The following UTRN variants were observed in gnomAD, a reference collection of about 807,000 sequenced individuals.
The protein encoded by UTRN is utrophin.
UTRN carries 283 observed loss-of-function variants against 463.9 expected under a neutral mutation model. That is an observed-to-expected ratio of 0.61 (90% CI 0.55 to 0.67). The LOEUF is 0.67. Ranked by LOEUF, UTRN falls within the 30% of genes least tolerant of loss-of-function variation. The pLI, the probability that UTRN is intolerant of heterozygous loss-of-function variation, is 0.00. For missense variants in UTRN, 3,922 were observed against 4,084.3 expected (o/e 0.96, Z 1.08); for synonymous variants, 1,442 against 1,431.5 (o/e 1.01, Z -0.17).
chr6:144,458,915 T>C lies in UTRN; in HGVS notation c.2430T>C (p.Leu810=), dbSNP rs187946235. 3.4e-5 allele frequency: 55 copies of C among 1,613,904 alleles called. No individual in the cohort carries two copies. In the East Asian group the frequency reaches 1.1e-3, roughly 32 times the overall value. ...CTTATTTCAAGCAGCTTGATGAGCT[T>C]GAAAAGGTCATCAAGACAAAGGAGG... The part of the protein sequence containing the change: ...INAYFKQLDE[L]EKVIKTKEEW... Residue 810 remains leucine (L), a synonymous_variant, in exon 20 of 75, where the codon CTT becomes CTC. Transcript: ENST00000367545.
intron 51 of UTRN, among the ~76,000 whole-genome samples, chr6:144,628,886 G>T (rs754227687): frequency 6.6e-6 from 1 of 152,018 alleles, no homozygotes; most frequent in East Asian, 1.9e-4. Flanking sequence ...TGGAGTTGAG[G>T]GCTGGTTTAA....
At chr6:144,694,100 G>T (rs151108509) in intron 52 of UTRN, among the ~76,000 whole-genome samples, 1 of 151,886 alleles carries the variant, frequency 6.6e-6, no homozygotes, top group Non-Finnish European at 1.5e-5. Context: ...TTAACCTAAG[G>T]GGTGTTGAAT....
At chr6:144,345,286 G>T (rs556227000) in intron 2 of UTRN, among the ~76,000 whole-genome samples, 25 of 152,272 alleles carry the variant, frequency 1.6e-4, no homozygotes, top group Admixed American at 4.6e-4. Flanking sequence ...TAGGAGACTG[G>T]TGTGCTACAA....
chr6:144,595,466 G>A (rs1056664416), intron 51 of UTRN, among the ~76,000 whole-genome samples: 2 of 152,136 alleles, frequency 1.3e-5, no homozygotes, highest in Admixed American at 6.5e-5. Context: ...AGGTCTTTCT[G>A]CAATGCAGGG....
chr6:144,649,070 C>G (rs1015400637), intron 51 of UTRN, among the ~76,000 whole-genome samples: 1 of 151,734 alleles, frequency 6.6e-6, no homozygotes, highest in Non-Finnish European at 1.5e-5. Context: ...TGGAGATGGC[C>G]GATTTGGATA....
intron 2 of UTRN, among the ~76,000 whole-genome samples, chr6:144,293,327 C>G (rs757707247): frequency 6.6e-6 from 1 of 152,064 alleles, no homozygotes. Flanking sequence ...ATATTTATAA[C>G]TTGTACTTTA....
intron 53 of UTRN, among the ~76,000 whole-genome samples, chr6:144,703,639 C>T (rs764253051): frequency 5.3e-5 from 8 of 151,968 alleles, no homozygotes; most frequent in Non-Finnish European, 8.8e-5. Flanking sequence ...TGAAGGAGGG[C>T]GTGATCACAA....
At chr6:144,407,200 A>C (rs1000356384) in intron 3 of UTRN, among the ~76,000 whole-genome samples, 1 of 151,912 alleles carries the variant, frequency 6.6e-6, no homozygotes, top group African/African-American at 2.4e-5. Flanking sequence ...GGGACTTTCT[A>C]TTTGCTTATT....
intron 2 of UTRN, among the ~76,000 whole-genome samples, chr6:144,400,117 A>G (rs1281687004): frequency 6.6e-6 from 1 of 152,202 alleles, no homozygotes; most frequent in Non-Finnish European, 1.5e-5. Flanking sequence ...GCTTTTAGAA[A>G]CAAAATGGTT....
chr6:144,399,215 C>T (rs1040376732), intron 2 of UTRN, among the ~76,000 whole-genome samples: 7 of 151,836 alleles, frequency 4.6e-5, no homozygotes, highest in South Asian at 2.1e-4. Context: ...TTATTATTCC[C>T]ATTTGACATT....
chr6:144,573,568 C>A (rs963516244), intron 50 of UTRN, among the ~76,000 whole-genome samples: 2 of 151,306 alleles, frequency 1.3e-5, no homozygotes, highest in African/African-American at 4.9e-5. Flanking sequence ...TAGTGGCAGG[C>A]GCCAATAATC....
At chr6:144,485,183 C>T (rs1329060115) in intron 27 of UTRN, among the ~76,000 whole-genome samples, 1 of 152,112 alleles carries the variant, frequency 6.6e-6, no homozygotes, top group Non-Finnish European at 1.5e-5. Flanking sequence ...TTCAGCCTCC[C>T]AAAGTGCTGG....
At chr6:144,683,631 C>T (rs990894113) in intron 52 of UTRN, among the ~76,000 whole-genome samples, 10 of 152,162 alleles carry the variant, frequency 6.6e-5, no homozygotes, top group Non-Finnish European at 1.5e-5. Flanking sequence ...AAATATTTCT[C>T]GAAACTTTTC....
chr6:144,424,338 G>A (rs1384304537), intron 6 of UTRN, among the ~76,000 whole-genome samples: 1 of 152,082 alleles, frequency 6.6e-6, no homozygotes, highest in East Asian at 1.9e-4. Flanking sequence ...GCAGTTCCTT[G>A]GCCTGTGATA....
At chr6:144,493,014 A>G (rs182132512) in intron 32 of UTRN, among the ~76,000 whole-genome samples, 2 of 152,354 alleles carry the variant, frequency 1.3e-5, no homozygotes, top group Non-Finnish European at 2.9e-5. Context: ...CATTTTATGT[A>G]GGAAAAATAT....
intron 51 of UTRN, among the ~76,000 whole-genome samples, chr6:144,636,121 C>T (rs1050109953): frequency 9.9e-5 from 15 of 152,130 alleles, no homozygotes; most frequent in Non-Finnish European, 2.1e-4. Flanking sequence ...TCTATTCCAT[C>T]GAAGTGTAAG....
intron 2 of UTRN, among the ~76,000 whole-genome samples, chr6:144,304,255 A>G (rs1202829842): frequency 6.6e-6 from 1 of 151,882 alleles, no homozygotes; most frequent in Non-Finnish European, 1.5e-5. Flanking sequence ...AAAAGCTCTC[A>G]TTTGTAAACA....
chr6:144,512,129 A>C (rs768150078), intron 35 of UTRN, among the ~76,000 whole-genome samples: 6 of 152,180 alleles, frequency 3.9e-5, no homozygotes, highest in Non-Finnish European at 8.8e-5. Context: ...ACTAAGCTTA[A>C]ATTTCCATAT....
intron 51 of UTRN, among the ~76,000 whole-genome samples, chr6:144,609,098 T>C (rs1805194309): frequency 6.6e-6 from 1 of 152,090 alleles, no homozygotes; most frequent in Non-Finnish European, 1.5e-5. Flanking sequence ...GCTCAATGGA[T>C]GGGGAAATAA....
Sources: allele counts gnomAD v4.1 joint callset (sites outside exome capture counted in the v4.1 genomes callset), GRCh38; gene constraint gnomAD v4.1.1; transcripts MANE v1.5; gene names NCBI Gene and HGNC (gene_info 2026-07-23, HGNC 2026-07-21).